SMARCD1: variants seen among roughly 807,000 people sequenced by gnomAD.
SMARCD1 encodes the protein SWI/SNF-related matrix-associated actin-dependent regulator of chromatin subfamily D member 1.
Under a neutral mutation model 70.8 loss-of-function variants are expected in SMARCD1, and 16 were observed. That is an observed-to-expected ratio of 0.23 (90% confidence interval 0.15 to 0.34). The LOEUF (loss-of-function observed/expected upper bound fraction) is 0.34, where lower values mean the gene tolerates loss of function less well. SMARCD1 is among the 10% of genes least tolerant of loss of function. The pLI is 1.00. For synonymous variants in SMARCD1, 249 were observed against 246.0 expected (o/e 1.01, Z -0.11); for missense variants, 409 against 655.5 (o/e 0.62, Z 4.11).
At chr12:50,098,528 C>T (rs916420068) in intron 11 of SMARCD1, 186 bp from the exon 12 acceptor site, 6 of 599,528 alleles carry the variant, frequency 1.0e-5, no homozygotes, top group South Asian at 6.0e-5. Context: ...ACTCTAATGA[C>T]CTCATCTTAA....
At chr12:50,089,842 C>A in intron 6 of SMARCD1, 42 bp from the exon 7 acceptor site, 2 of 1,371,006 alleles carry the variant, frequency 1.5e-6, no homozygotes, top group Non-Finnish European at 2.1e-6. Flanking sequence ...CACCCCAGCT[C>A]TTCCTCTGGG....
intron 5 of SMARCD1, 65 bp downstream of exon 5, chr12:50,087,550 C>T (rs1950802682): frequency 1.9e-6 from 3 of 1,580,040 alleles, no homozygotes; most frequent in Non-Finnish European, 2.6e-6. Context: ...ACAGTGTTGT[C>T]TGGTCAGCAG....
intron 11 of SMARCD1, among the ~76,000 whole-genome samples, chr12:50,097,642 A>G (rs1350455071): frequency 1.3e-5 from 2 of 151,994 alleles, no homozygotes; most frequent in Admixed American, 1.3e-4. Flanking sequence ...CTGTAATCCC[A>G]GCACTTTGGG....
intron 9 of SMARCD1, among the ~76,000 whole-genome samples, chr12:50,093,133 G>A (rs1424080743): frequency 6.6e-6 from 1 of 151,530 alleles, no homozygotes; most frequent in Non-Finnish European, 1.5e-5. Flanking sequence ...CCAAGACTGC[G>A]CCACTGCACT....
chr12:50,092,412 CGG>C (rs1248228375), intron 9 of SMARCD1, among the ~76,000 whole-genome samples: 2 of 150,880 alleles, frequency 1.3e-5, no homozygotes, highest in Non-Finnish European at 3.0e-5. Flanking sequence ...TTAGTAGAGA[CGG>C]GGTTTTACCA....
At position 50,087,800 on chromosome 12, in the gene SMARCD1, G is replaced by A. The variant is rs148211820; in HGVS notation, c.654+315G>A. Among the ~76,000 whole-genome samples, 76 of 151,600 alleles carry A rather than the reference G, an allele frequency of 5.0e-4. 1 individual carries two copies. The highest frequency in any genetic ancestry group is 1.7e-3 in the African/African-American group (71 of 41,306). On this transcript the variant is annotated intron_variant, in intron 5 of 12. Coordinates refer to ENST00000394963, the MANE Select transcript of SMARCD1 (RefSeq NM_003076.5). ...TAGTTTTTTTTTTTTAATCGAGTTT[G>A]CACTTAATTTGAGGCTGTGTTTCCT...
intron 2 of SMARCD1, 23 bp from the exon 3 acceptor site, chr12:50,086,598 A>G: frequency 6.2e-7 from 1 of 1,612,146 alleles, no homozygotes; most frequent in Non-Finnish European, 8.5e-7. Flanking sequence ...TCCCAACCTG[A>G]TAATAGTATT....
In SMARCD1 at chr12:50,090,578, A is replaced by G; in HGVS notation, c.1121A>G (p.Asn374Ser). The G allele has an allele frequency of 6.2e-7, 1 of 1,613,030 alleles. No homozygotes were observed. ...ATGCCACCAGAACCTATCATCATTA[A>G]TCATGTCATCAGGTAGGCCTGTGTG... ...LLMPPEPIII[N>S]HVISVDPNDQ... is the part of the protein sequence containing the mutation. The change falls in exon 9 of 13, where the codon AAT becomes AGT. Residue 374 changes from asparagine (N) to serine (S), a missense_variant. This residue lies in a region of SMARCD1 where 269 missense variants were observed against 498.6 expected (regional missense o/e 0.54). Transcript: ENST00000394963.
intron 9 of SMARCD1, 129 bp downstream of exon 9, chr12:50,090,719 A>G (rs1213816110): frequency 1.0e-5 from 6 of 581,052 alleles, no homozygotes; most frequent in Non-Finnish European, 1.8e-5. Flanking sequence ...GTTACTTACA[A>G]TTAAATTACA....
At chr12:50,094,718 C>G (rs1041907836) in intron 10 of SMARCD1, 146 bp downstream of exon 10, 2 of 720,594 alleles carry the variant, frequency 2.8e-6, no homozygotes, top group Non-Finnish European at 4.6e-6. Flanking sequence ...GAGCCAGACT[C>G]AAATGAATTC....
chr12:50,086,668 G>T lies in SMARCD1; in HGVS notation c.408+5G>T. On this transcript the variant is annotated splice_donor_5th_base_variant and intron_variant, in intron 3 of 12. Coordinates refer to ENST00000394963, the MANE Select transcript of SMARCD1 (RefSeq NM_003076.5). ...GACAAAATTCTACCTCAAAGGGTGA[G>T]TCCAGGCTATATGTCTTCTGGAAAG... is the stretch of plus-strand genomic sequence containing the variant. 1.9e-6 allele frequency: 3 copies of T among 1,614,004 alleles called. No individual in the cohort carries two copies. Among genetic ancestry groups the T allele is most frequent in the Non-Finnish European group, 2.5e-6 (3 of 1,179,858 alleles).
chr12:50,091,343 T>G (rs1950841798), intron 9 of SMARCD1, among the ~76,000 whole-genome samples: 1 of 151,984 alleles, frequency 6.6e-6, no homozygotes, highest in African/African-American at 2.4e-5. Flanking sequence ...TGGCACAATG[T>G]TGGCTCACCG....
In SMARCD1 at chr12:50,099,029, C is replaced by T. The variant is rs1364271987; in HGVS notation, c.*29C>T. The T allele has an allele frequency of 6.2e-7, 1 of 1,609,748 alleles. No homozygotes were observed. Among genetic ancestry groups the T allele is most frequent in the Non-Finnish European group, 8.5e-7 (1 of 1,176,110 alleles). ...CTCTCCCACAGCCCTGATTCGACTGCACCAATTCTTGATTTGGGCCCTGTG... is the reference window on the plus strand; with the variant it reads ...CTCTCCCACAGCCCTGATTCGACTGTACCAATTCTTGATTTGGGCCCTGTG... On this transcript the variant is annotated 3_prime_UTR_variant, in exon 13 of 13. Transcript: ENST00000394963.
intron 10 of SMARCD1, 193 bp from the exon 11 acceptor site, chr12:50,096,657 C>T (rs1950895763): frequency 5.4e-6 from 3 of 553,126 alleles, no homozygotes; most frequent in Admixed American, 3.1e-5. Flanking sequence ...TACAGAGAGA[C>T]AGAAACAAGG....
chr12:50,085,495 G>T lies in SMARCD1; in HGVS notation c.126G>T (p.Pro42=). Residue 42 remains proline, a synonymous_variant, in exon 1 of 13, where the codon CCG becomes CCT. Transcript: ENST00000394963. The part of the protein sequence containing the change: ...GTPGPPVRMG[P]APGQGLYRSP... Reference sequence around the variant, plus strand: ...CGGGGCCTCCTGTGCGAATGGGCCCGGCTCCGGGTCAAGGGCTGTACCGCT... The same window carrying T: ...CGGGGCCTCCTGTGCGAATGGGCCCTGCTCCGGGTCAAGGGCTGTACCGCT... 2 of 1,239,578 alleles carry T rather than the reference G, an allele frequency of 1.6e-6. No individual in the cohort carries two copies. The highest frequency in any genetic ancestry group is 2.0e-6 in the Non-Finnish European group (2 of 991,582). 76.8% of individuals were successfully genotyped at this position (1,239,578 alleles called of 1,614,324 possible).
At chr12:50,087,640 C>T (rs1488042766) in intron 5 of SMARCD1, among the ~76,000 whole-genome samples, 155 bp downstream of exon 5, 1 of 152,104 alleles carries the variant, frequency 6.6e-6, no homozygotes, top group Admixed American at 6.5e-5. Context: ...AGACAGTGGT[C>T]CTTTGTGTTT....
chr12:50,085,513 G>T lies in SMARCD1; in HGVS notation c.144G>T (p.Leu48=), dbSNP rs971989793. Residue 48 remains leucine, a synonymous_variant, in exon 1 of 13, where the codon CTG becomes CTT. Transcript: ENST00000394963. ...VRMGPAPGQG[L]YRSPMPGAAY... ...TGGGCCCGGCTCCGGGTCAAGGGCT[G>T]TACCGCTCCCCGATGCCCGGAGCGG... 55 of 1,237,694 alleles carry T rather than the reference G, an allele frequency of 4.4e-5. No homozygotes were observed. The African/African-American group carries it at 7.8e-4, about 17-fold the overall frequency. The allele number at this position is 1,237,694 out of a possible 1,614,324, so 76.7% of individuals were successfully genotyped here.
chr12:50,095,209 T>C (rs1423718086), intron 10 of SMARCD1, among the ~76,000 whole-genome samples: 2 of 152,254 alleles, frequency 1.3e-5, no homozygotes, highest in Non-Finnish European at 2.9e-5. Flanking sequence ...TCTGCTACTA[T>C]TATTGTTATC....
At chr12:50,085,637 A>C (rs1484110098) in intron 1 of SMARCD1, 91 bp downstream of exon 1, 5 of 565,264 alleles carry the variant, frequency 8.8e-6, no homozygotes, top group Admixed American at 2.6e-4. Context: ...AGTAGGAGGG[A>C]CTCCCTTGGG....
Sources: allele counts gnomAD v4.1 joint callset (sites outside exome capture counted in the v4.1 genomes callset), GRCh38; gene constraint gnomAD v4.1.1; regional missense constraint gnomAD v4.1.1; transcripts MANE v1.5; gene names NCBI Gene and HGNC (gene_info 2026-07-23, HGNC 2026-07-21).